VAV3: variants seen among roughly 807,000 people sequenced by gnomAD.
The protein encoded by VAV3 is vav guanine nucleotide exchange factor 3.
In VAV3, 94 loss-of-function variants were observed where a neutral mutation model predicts 131.2. The ratio of observed to expected loss-of-function variants is 0.72; its 90% CI spans 0.61 to 0.85. VAV3 has a LOEUF of 0.85. Among genes scored for constraint, VAV3 ranks in the 40% least tolerant of loss-of-function variants. The pLI is 0.00. For missense variants in VAV3, 939 were observed against 1,002.7 expected (o/e 0.94, Z 0.86); for synonymous variants, 349 against 342.0 (o/e 1.02, Z -0.22).
At chr1:107,705,428 T>C (rs1660386207) in intron 15 of VAV3, among the ~76,000 whole-genome samples, 1 of 149,970 alleles carries the variant, frequency 6.7e-6, no homozygotes. Flanking sequence ...GCCACTGAAA[T>C]ATAAACTAGC....
At chr1:107,912,402 CT>C (rs1444135437) in intron 1 of VAV3, among the ~76,000 whole-genome samples, 1 of 152,116 alleles carries the variant, frequency 6.6e-6, no homozygotes, top group Non-Finnish European at 1.5e-5. Flanking sequence ...GATTTTTTCC[CT>C]AACAACCCTA....
At chr1:107,773,427 T>C (rs541449160) in intron 4 of VAV3, among the ~76,000 whole-genome samples, 1 of 152,322 alleles carries the variant, frequency 6.6e-6, no homozygotes, top group East Asian at 1.9e-4. Context: ...GTTACTGCAG[T>C]GTTATAATCA....
chr1:107,597,186 T>C (rs1182183395), intron 24 of VAV3, among the ~76,000 whole-genome samples: 2 of 151,160 alleles, frequency 1.3e-5, no homozygotes, highest in African/African-American at 4.9e-5. Context: ...AACTTAATTA[T>C]TCAATGTTTC....
At chr1:107,705,280 A>G (rs1342510491) in intron 15 of VAV3, among the ~76,000 whole-genome samples, 1 of 151,890 alleles carries the variant, frequency 6.6e-6, no homozygotes, top group Non-Finnish European at 1.5e-5. Flanking sequence ...GGAAGGACAT[A>G]GCAACCTAAT....
At position 107,757,066 on chromosome 1, in the gene VAV3, T is replaced by C. The variant is rs918310291; in HGVS notation, c.1086+195A>G. On this transcript the variant is annotated intron_variant, in intron 11 of 26. Transcript: ENST00000370056. ...AAAAAAAAAATCCAGTTTTCTCCAC[T>C]AAAAACAAATGTGTATTATACATAG... Among the ~76,000 whole-genome samples, 6 of 151,842 alleles carry C rather than the reference T, an allele frequency of 4.0e-5. No homozygotes were observed. In the South Asian group the frequency reaches 1.2e-3, roughly 32 times the overall value.
intron 25 of VAV3, among the ~76,000 whole-genome samples, chr1:107,585,682 TAA>T (rs1190602353): frequency 6.6e-6 from 1 of 151,898 alleles, no homozygotes; most frequent in Non-Finnish European, 1.5e-5. Context: ...TGATGTCCTA[TAA>T]AAGTCATGGA....
chr1:107,709,765 C>A (rs1660666774), intron 15 of VAV3, among the ~76,000 whole-genome samples: 1 of 152,186 alleles, frequency 6.6e-6, no homozygotes, highest in African/African-American at 2.4e-5. Flanking sequence ...CATTCTTCTC[C>A]TTCCTGCTGC....
chr1:107,786,025 C>T lies in VAV3; in HGVS notation c.322-6533G>A, dbSNP rs146407666. Among the ~76,000 whole-genome samples, 1,174 of 152,308 alleles carry T rather than the reference C, an allele frequency of 7.7e-3. 7 individuals carry two copies. The highest frequency in any genetic ancestry group is 0.018 in the South Asian group (87 of 4,826). On this transcript the variant is annotated intron_variant, in intron 2 of 26. Coordinates refer to ENST00000370056, the MANE Select transcript of VAV3 (RefSeq NM_006113.5). ...TCTTAGGGATTTCCTGAAGCACCTG[C>T]TTGTTGCTTTGATCTGTGGGATGCT...
chr1:107,899,319 C>T (rs922913958), intron 1 of VAV3, among the ~76,000 whole-genome samples: 6 of 152,132 alleles, frequency 3.9e-5, no homozygotes, highest in Non-Finnish European at 8.8e-5. Context: ...CAGCGGTAAG[C>T]GGCCATCCAA....
chr1:107,953,031 G>A (rs1434480009), intron 1 of VAV3, among the ~76,000 whole-genome samples: 1 of 151,966 alleles, frequency 6.6e-6, no homozygotes, highest in African/African-American at 2.4e-5. Context: ...ACATTTCTAG[G>A]GCCTGCCTTG....
chr1:107,766,675 AACTGCTTCC>A, intron 7 of VAV3, 125 bp from the exon 8 acceptor site: 1 of 692,026 alleles, frequency 1.4e-6, no homozygotes, highest in Non-Finnish European at 2.5e-6. Context: ...CAATATATAA[AACTGCTTCC>A]ACCAATAAAG....
intron 18 of VAV3, among the ~76,000 whole-genome samples, chr1:107,686,399 T>G (rs555583739): frequency 6.6e-6 from 1 of 152,000 alleles, no homozygotes; most frequent in South Asian, 2.1e-4. Flanking sequence ...AAGAAGGTCT[T>G]CAAGAGAGGA....
At chr1:107,708,123 C>A (rs1435439670) in intron 15 of VAV3, among the ~76,000 whole-genome samples, 1 of 152,042 alleles carries the variant, frequency 6.6e-6, no homozygotes, top group Non-Finnish European at 1.5e-5. Context: ...TGAGCAAAGA[C>A]ATGAGATAGG....
intron 19 of VAV3, among the ~76,000 whole-genome samples, chr1:107,649,367 C>A (rs1386267815): frequency 1.3e-5 from 2 of 152,034 alleles, no homozygotes; most frequent in African/African-American, 2.4e-5. Context: ...AATATTTGCT[C>A]TTACAGAACA....
intron 2 of VAV3, among the ~76,000 whole-genome samples, chr1:107,833,111 C>A (rs1668325159): frequency 6.6e-6 from 1 of 152,130 alleles, no homozygotes. Flanking sequence ...ATGTCAAAAG[C>A]TGAGGCAAGT....
At chr1:107,828,490 G>C (rs894214795) in intron 2 of VAV3, among the ~76,000 whole-genome samples, 4 of 152,096 alleles carry the variant, frequency 2.6e-5, no homozygotes, top group African/African-American at 9.7e-5. Flanking sequence ...AAGCCAGTGA[G>C]ACGCATGTTG....
chr1:107,904,715 T>C (rs1260580741), intron 1 of VAV3, among the ~76,000 whole-genome samples: 1 of 152,214 alleles, frequency 6.6e-6, no homozygotes, highest in Non-Finnish European at 1.5e-5. Flanking sequence ...GCACTTGGGA[T>C]ATAGATCAGT....
intron 2 of VAV3, among the ~76,000 whole-genome samples, chr1:107,842,854 C>T (rs1668786526): frequency 1.3e-5 from 2 of 151,942 alleles, no homozygotes; most frequent in African/African-American, 4.8e-5. Context: ...ACAGTCTCTC[C>T]AATGAGAGAA....
chr1:107,573,496 G>A (rs560171948), intron 26 of VAV3, 124 bp from the exon 27 acceptor site: 2 of 1,131,520 alleles, frequency 1.8e-6, no homozygotes, highest in South Asian at 3.1e-5. Flanking sequence ...GTCCATTGTA[G>A]GTGAGAAGAT....
Sources: gnomAD v4.1 joint callset for allele counts (sites outside exome capture counted in the v4.1 genomes callset) on GRCh38, gnomAD v4.1.1 for gene constraint, MANE v1.5 for transcripts, NCBI Gene and HGNC (gene_info 2026-07-23, HGNC 2026-07-21) for gene names.